ALG5: variants seen among roughly 807,000 people sequenced by gnomAD.
The protein encoded by ALG5 is dolichyl-phosphate beta-glucosyltransferase.
In ALG5, 26 loss-of-function variants were observed where a neutral mutation model predicts 51.8. The observed-to-expected ratio is 0.50, with a 90% CI of 0.37 to 0.70. The LOEUF is 0.70. ALG5 is among the 30% of genes least tolerant of loss of function. The pLI, the probability that ALG5 is intolerant of heterozygous loss-of-function variation, is 0.00. For missense variants in ALG5, 311 were observed against 399.3 expected (o/e 0.78, Z 1.88); for synonymous variants, 141 against 136.1 (o/e 1.04, Z -0.25).
rs145032411 is a variant in ALG5, at chr13:36,990,923, C to G, written c.355-1347G>C. Among the ~76,000 whole-genome samples, 3 of 152,302 alleles carry G rather than the reference C, an allele frequency of 2.0e-5. No homozygotes were observed. In the East Asian group the frequency reaches 5.8e-4, roughly 29 times the overall value. ...TCCCCTAAAGTCCCCACATCTCTACCCTGACTCCCTAATTCATTCCTAAAG... is the reference window on the plus strand; with the variant it reads ...TCCCCTAAAGTCCCCACATCTCTACGCTGACTCCCTAATTCATTCCTAAAG... On this transcript the variant is annotated intron_variant, in intron 4 of 9. Transcript: ENST00000239891.
intron 8 of ALG5, among the ~76,000 whole-genome samples, chr13:36,964,442 G>C (rs1343092234): frequency 6.6e-6 from 1 of 152,158 alleles, no homozygotes; most frequent in Non-Finnish European, 1.5e-5. Context: ...AACAGGCCCT[G>C]TCATGGATTG....
chr13:36,999,093 C>G (rs2059069816), intron 1 of ALG5, 142 bp downstream of exon 1: 2 of 631,154 alleles, frequency 3.2e-6, no homozygotes, highest in Non-Finnish European at 4.8e-6. Flanking sequence ...CAGGAAACTC[C>G]GAGGTCAGGA....
chr13:36,958,241 G>A (rs1041724450), intron 8 of ALG5, among the ~76,000 whole-genome samples: 3 of 151,932 alleles, frequency 2.0e-5, no homozygotes, highest in African/African-American at 7.3e-5. Context: ...TCCTTACCAA[G>A]AGCTTCTATG....
chr13:36,950,043 G>A lies in ALG5; in HGVS notation c.874C>T (p.Pro292Ser). The A allele has an allele frequency of 6.2e-7, 1 of 1,602,396 alleles. No homozygotes were observed. Among genetic ancestry groups the A allele is most frequent in the Non-Finnish European group, 8.5e-7 (1 of 1,173,956 alleles). ...WTEIEGSKLVPFWSWLQMGKD... is the reference protein window; with the variant it reads ...WTEIEGSKLVSFWSWLQMGKD... The stretch of plus-strand genomic sequence containing the variant: ...CCCATTTGTAGCCAGCTCCAGAATG[G>A]AACTAATTTAGAACCTGTGATTTAA... Residue 292 changes from proline (P) to serine (S), a missense_variant, in exon 10 of 10, where the codon CCA becomes TCA. Pro to Ser is a moderately conservative substitution (Grantham distance 74). Coordinates refer to ENST00000239891, the MANE Select transcript of ALG5 (RefSeq NM_013338.5).
At chr13:36,967,605 A>G (rs2058900891) in intron 7 of ALG5, 1 of 289,248 alleles carries the variant, frequency 3.5e-6, no homozygotes, top group African/African-American at 2.2e-5. Flanking sequence ...AACTTTTAAA[A>G]ATGATCTAGC....
intron 6 of ALG5, among the ~76,000 whole-genome samples, chr13:36,977,818 A>AAC (rs2058960036): frequency 7.1e-6 from 1 of 140,022 alleles, no homozygotes; most frequent in African/African-American, 2.6e-5. Context: ...AAAAAAACAA[A>AAC]AACGGTGGTA....
intron 6 of ALG5, among the ~76,000 whole-genome samples, chr13:36,981,035 G>T (rs2058977089): frequency 6.6e-6 from 1 of 152,036 alleles, no homozygotes; most frequent in Admixed American, 6.6e-5. Flanking sequence ...TATTTTATTT[G>T]TATGTATTAT....
chr13:36,952,137 C>A (rs1468065500), intron 9 of ALG5, among the ~76,000 whole-genome samples: 2 of 151,954 alleles, frequency 1.3e-5, no homozygotes, highest in Non-Finnish European at 2.9e-5. Context: ...TTTGCAGGTA[C>A]CTAATTAATA....
chr13:36,969,477 A>G (rs1193348699), intron 7 of ALG5, among the ~76,000 whole-genome samples: 1 of 151,258 alleles, frequency 6.6e-6, no homozygotes, highest in Non-Finnish European at 1.5e-5. Flanking sequence ...GTATTGATCT[A>G]TTTTCATTAG....
At chr13:36,992,728 C>G (rs1481084828) in intron 4 of ALG5, among the ~76,000 whole-genome samples, 2 of 152,162 alleles carry the variant, frequency 1.3e-5, no homozygotes, top group African/African-American at 4.8e-5. Context: ...TCTGAAACGC[C>G]TCAAGAACAA....
At chr13:36,969,411 A>G (rs2058910434) in intron 7 of ALG5, among the ~76,000 whole-genome samples, 1 of 32,478 alleles carries the variant, frequency 3.1e-5, no homozygotes, top group African/African-American at 2.1e-4. Flanking sequence ...TCATCTCATT[A>G]ATATATTTTA....
Position 36,968,769 on chromosome 13 carries a change from T to C in ALG5, c.622-3043A>G, listed in dbSNP as rs539298302. Among the ~76,000 whole-genome samples the C allele has an allele frequency of 2.6e-5, 4 of 152,370 alleles. No individual in the cohort carries two copies. The South Asian group carries it at 8.3e-4, about 32-fold the overall frequency. ...TGATCACCATGCAGGGGTTTATTAC[T>C]GACAGCACACGAAGGGAAATGGAAA... is the stretch of plus-strand genomic sequence containing the variant. On this transcript the variant is annotated intron_variant, in intron 7 of 9. Coordinates refer to ENST00000239891, the MANE Select transcript of ALG5 (RefSeq NM_013338.5).
intron 6 of ALG5, among the ~76,000 whole-genome samples, chr13:36,983,818 G>A (rs1158323479): frequency 6.6e-6 from 1 of 151,952 alleles, no homozygotes; most frequent in East Asian, 1.9e-4. Flanking sequence ...AAATACAAGG[G>A]ATGGGGATGG....
At chr13:36,973,278 G>C (rs948841502) in intron 6 of ALG5, among the ~76,000 whole-genome samples, 3 of 152,092 alleles carry the variant, frequency 2.0e-5, no homozygotes, top group African/African-American at 7.2e-5. Context: ...AATGTGAATA[G>C]ACAAATCCAT....
intron 8 of ALG5, 59 bp from the exon 9 acceptor site, chr13:36,952,658 TCTAC>T: frequency 9.9e-7 from 1 of 1,014,860 alleles, no homozygotes; most frequent in Non-Finnish European, 1.4e-6. Context: ...CAACTACATC[TCTAC>T]CTTGGCATGT....
At chr13:36,976,229 G>C (rs919311006) in intron 6 of ALG5, among the ~76,000 whole-genome samples, 1 of 151,486 alleles carries the variant, frequency 6.6e-6, no homozygotes, top group African/African-American at 2.4e-5. Context: ...AGGAGTTCAA[G>C]ACCCGTCTGG....
At chr13:36,995,283 C>A (rs1315281550) in intron 2 of ALG5, 142 bp downstream of exon 2, 3 of 941,586 alleles carry the variant, frequency 3.2e-6, no homozygotes, top group Non-Finnish European at 4.7e-6. Flanking sequence ...TCCCTCTCTG[C>A]CGAACTACAA....
chr13:36,995,566 T>C lies in ALG5; in HGVS notation c.97A>G (p.Lys33Glu). The change falls in exon 2 of 10, where the codon AAA becomes GAA. Residue 33 changes from lysine to glutamate, a missense_variant. Lys to Glu is a moderately conservative substitution (Grantham distance 56, BLOSUM62 1). Coordinates refer to ENST00000239891, the MANE Select transcript of ALG5 (RefSeq NM_013338.5). Reference protein sequence around the residue: ...ISIVAFTTATKMPALHRHEEE... With the variant: ...ISIVAFTTATEMPALHRHEEE... ...TCATGTCGATGGAGTGCTGGCATTT[T>C]TGTAGCAGTTGTAAATGCAACGATG... 1.2e-6 allele frequency: 2 copies of C among 1,604,580 alleles called. No homozygotes were observed. Among genetic ancestry groups the C allele is most frequent in the Non-Finnish European group, 1.7e-6 (2 of 1,178,038 alleles).
intron 7 of ALG5, chr13:36,967,790 T>G (rs1353604223): frequency 8.1e-7 from 1 of 1,234,122 alleles, no homozygotes; most frequent in South Asian, 1.3e-5. Flanking sequence ...TGATTAAACC[T>G]CCAAAAGAGC....
Sources: allele counts gnomAD v4.1 joint callset (sites outside exome capture counted in the v4.1 genomes callset), GRCh38; gene constraint gnomAD v4.1.1; transcripts MANE v1.5; gene names NCBI Gene and HGNC (gene_info 2026-07-23, HGNC 2026-07-21).